NLRP2: variants seen among roughly 807,000 people sequenced by gnomAD.
NLRP2 encodes the protein NLR family pyrin domain containing 2, also known as NACHT, LRR and PYD domains-containing protein 2.
A neutral mutation model predicts 97.2 loss-of-function variants in NLRP2; 107 were observed. That is an observed-to-expected ratio of 1.10 (90% CI 0.94 to 1.29). NLRP2 has a LOEUF of 1.29. Among genes scored for constraint, NLRP2 ranks in the 50% most tolerant of loss-of-function variants. The pLI, the probability that NLRP2 is intolerant of heterozygous loss-of-function variation, is 0.00. For synonymous variants in NLRP2, 663 were observed against 551.5 expected (o/e 1.20, Z -2.83); for missense variants, 1,495 against 1,330.3 (o/e 1.12, Z -1.93).
At chr19:54,975,865 C>G (rs986074885) in intron 3 of NLRP2, among the ~76,000 whole-genome samples, 5 of 152,098 alleles carry the variant, frequency 3.3e-5, no homozygotes, top group Non-Finnish European at 5.9e-5. Flanking sequence ...ATCCTCTTAC[C>G]TCAGCCTCCT....
chr19:54,992,778 C>T (rs934256395), intron 10 of NLRP2, among the ~76,000 whole-genome samples: 2 of 151,704 alleles, frequency 1.3e-5, no homozygotes, highest in African/African-American at 2.4e-5. Flanking sequence ...AAGCTGGTCT[C>T]GAATTCCTGA....
chr19:54,974,862 C>T (rs140715180), intron 3 of NLRP2, among the ~76,000 whole-genome samples: 29 of 152,146 alleles, frequency 1.9e-4, no homozygotes, highest in African/African-American at 4.6e-4. Context: ...TGCAGTGGTA[C>T]GACCTCGGCT....
chr19:54,973,889 C>G, intron 2 of NLRP2: 1 of 676,316 alleles, frequency 1.5e-6, no homozygotes, highest in Non-Finnish European at 2.8e-6. Context: ...CAAAGTGACA[C>G]AAGGCAAGGA....
intron 10 of NLRP2, chr19:54,993,968 C>G (rs2072651990): frequency 4.0e-6 from 2 of 493,936 alleles, no homozygotes; most frequent in Admixed American, 6.6e-5. Context: ...CTTTGACTCT[C>G]AGCTCCCTCT....
intron 10 of NLRP2, among the ~76,000 whole-genome samples, chr19:54,992,551 G>GGGGTT (rs2072550377): frequency 4.2e-5 from 1 of 24,014 alleles, no homozygotes; most frequent in African/African-American, 1.9e-4. Flanking sequence ...GGGGGGGGGG[G>GGGGTT]TTTTCTTTTT....
In NLRP2 at chr19:54,983,344, A is replaced by T. The variant is rs1361030563; in HGVS notation, c.1646A>T (p.Asp549Val). The part of the protein sequence containing the change: ...LSGVERLRNP[D>V]LIQAGYYSFG... Reference sequence around the variant, plus strand: ...GGAGTAGAAAGACTCAGGAACCCCGACCTGATCCAAGCAGGCTACTACTCC... The same window carrying T: ...GGAGTAGAAAGACTCAGGAACCCCGTCCTGATCCAAGCAGGCTACTACTCC... The change falls in exon 6 of 13, where the codon GAC becomes GTC. Residue 549 changes from aspartate to valine, a missense_variant. Coordinates refer to ENST00000448584, the MANE Select transcript of NLRP2 (RefSeq NM_017852.5). 1 of 1,614,040 alleles carries T rather than the reference A, an allele frequency of 6.2e-7. No individual in the cohort carries two copies. The highest frequency in any genetic ancestry group is 8.5e-7 in the Non-Finnish European group (1 of 1,180,038).
Position 54,990,017 on chromosome 19 carries a change from C to T in NLRP2, c.2367-5C>T. 6.2e-7 allele frequency: 1 copy of T among 1,613,812 alleles called. No homozygotes were observed. Among genetic ancestry groups the T allele is most frequent in the South Asian group, 1.1e-5 (1 of 91,070 alleles). ...AAAAATGACGTGGTCCTATTTCTCC[C>T]ACAGGTTGGTGTCTTGTTCCGCTAC... On this transcript the variant is annotated splice_polypyrimidine_tract_variant and splice_region_variant and intron_variant, in intron 8 of 12. Coordinates refer to ENST00000448584, the MANE Select transcript of NLRP2 (RefSeq NM_017852.5).
chr19:54,984,145 C>T (rs928217304), intron 6 of NLRP2, among the ~76,000 whole-genome samples: 3 of 151,562 alleles, frequency 2.0e-5, no homozygotes, highest in South Asian at 2.1e-4. Context: ...TCACCATGCC[C>T]GGCCCAAATA....
intron 1 of NLRP2, among the ~76,000 whole-genome samples, chr19:54,967,148 G>C (rs1015051329): frequency 6.8e-6 from 1 of 147,950 alleles, no homozygotes; most frequent in Non-Finnish European, 1.5e-5. Context: ...ATTATAGGCA[G>C]GTGCCACCGC....
intron 2 of NLRP2, among the ~76,000 whole-genome samples, chr19:54,973,346 T>TTG (rs1347269517): frequency 7.4e-6 from 1 of 135,804 alleles, no homozygotes; most frequent in Non-Finnish European, 1.6e-5. Flanking sequence ...GGGTGAGGGT[T>TTG]TTTTTTTTTT....
At chr19:54,998,586 CTTTTTTTTGGGGTGCATCTTTTTTCTTT>C (rs2072974750) in intron 12 of NLRP2, among the ~76,000 whole-genome samples, 1 of 41,854 alleles carries the variant, frequency 2.4e-5, no homozygotes, top group African/African-American at 9.1e-5. Flanking sequence ...CAGTTTTACT[CTTTTTTTTGGGGTGCATCTTTTTTCTTT>C]TTTTTTTTTT....
intron 8 of NLRP2, chr19:54,989,800 A>G (rs1002247245): frequency 1.0e-5 from 6 of 598,504 alleles, no homozygotes; most frequent in African/African-American, 9.3e-5. Flanking sequence ...CCTGACCAAC[A>G]TGGAGAGACC....
chr19:54,997,474 C>A lies in NLRP2; in HGVS notation c.3037C>A (p.Leu1013Ile). The change falls in exon 12 of 13, where the codon CTC (leucine) becomes ATC (isoleucine). Residue 1013 changes from leucine to isoleucine, a missense_variant. Transcript: ENST00000448584. The part of the protein sequence containing the change: ...FETLTCSSGT[L>I]RTLRLKIDDF... The stretch of plus-strand genomic sequence containing the variant: ...AACCTTGACATGTTCCAGTGGCACC[C>A]TCCGGACACTCAGGTATGATCCATT... 1 of 1,614,176 alleles carries A rather than the reference C, an allele frequency of 6.2e-7. No homozygotes were observed.
chr19:54,975,703 C>T (rs542625431), intron 3 of NLRP2, among the ~76,000 whole-genome samples: 22 of 152,014 alleles, frequency 1.4e-4, no homozygotes, highest in Admixed American at 6.6e-4. Context: ...CCGCCCGCCT[C>T]GGCCTCCCAA....
Position 55,001,116 on chromosome 19 carries a change from A to G in NLRP2, c.*218A>G, listed in dbSNP as rs1346713661. 3 of 526,070 alleles carry G rather than the reference A, an allele frequency of 5.7e-6. No individual in the cohort carries two copies. The highest frequency in any genetic ancestry group is 1.0e-5 in the Non-Finnish European group (3 of 292,900). The allele number at this position is 526,070 out of a possible 1,614,324, so 32.6% of individuals were successfully genotyped here. ...CTGTATCACGGGTATATTGAGAGAAATAAAGGTGAGAGCATTCACAAATGA... is the reference window on the plus strand; with the variant it reads ...CTGTATCACGGGTATATTGAGAGAAGTAAAGGTGAGAGCATTCACAAATGA... On this transcript the variant is annotated 3_prime_UTR_variant, in exon 13 of 13. Coordinates refer to ENST00000448584, the MANE Select transcript of NLRP2 (RefSeq NM_017852.5).
At chr19:54,979,188 G>C (rs1010688294) in intron 4 of NLRP2, among the ~76,000 whole-genome samples, 1 of 151,820 alleles carries the variant, frequency 6.6e-6, no homozygotes, top group Admixed American at 6.6e-5. Flanking sequence ...TTTCAACAGG[G>C]TAGCCAGGTT....
At chr19:54,988,869 C>T (rs2072270900) in intron 8 of NLRP2, among the ~76,000 whole-genome samples, 1 of 151,902 alleles carries the variant, frequency 6.6e-6, no homozygotes, top group South Asian at 2.1e-4. Flanking sequence ...AACAGGGCAC[C>T]TTGAAACATA....
At chr19:54,971,290 A>G (rs1421310023) in intron 2 of NLRP2, among the ~76,000 whole-genome samples, 2 of 149,750 alleles carry the variant, frequency 1.3e-5, no homozygotes, top group Non-Finnish European at 3.0e-5. Context: ...ATACGTGTGC[A>G]TGTGTCTTTA....
At chr19:54,969,710 A>T (rs1185935654) in intron 1 of NLRP2, among the ~76,000 whole-genome samples, 1 of 152,134 alleles carries the variant, frequency 6.6e-6, no homozygotes, top group Non-Finnish European at 1.5e-5. Flanking sequence ...CCCAGATGGG[A>T]GTGCAGTGGC....
Sources: allele counts gnomAD v4.1 joint callset (sites outside exome capture counted in the v4.1 genomes callset), GRCh38; gene constraint gnomAD v4.1.1; transcripts MANE v1.5; gene names NCBI Gene and HGNC (gene_info 2026-07-23, HGNC 2026-07-21).